DLG2: variants seen among roughly 807,000 people sequenced by gnomAD.
DLG2 encodes the protein discs large MAGUK scaffold protein 2.
DLG2 carries 45 observed loss-of-function variants against 132.5 expected under a neutral mutation model. That is an observed-to-expected ratio of 0.34 (90% CI 0.27 to 0.44). DLG2 has a LOEUF of 0.44. Ranked by LOEUF, DLG2 falls within the 20% of genes least tolerant of loss-of-function variation. The probability of loss-of-function intolerance (pLI) is 1.00; values close to 1 mark genes in which losing one functional copy is unlikely to be tolerated. For synonymous variants in DLG2, 424 were observed against 419.6 expected (o/e 1.01, Z -0.13); for missense variants, 1,045 against 1,196.9 (o/e 0.87, Z 1.87).
chr11:83,828,065 G>A (rs993714192), intron 17 of DLG2, among the ~76,000 whole-genome samples: 19 of 151,986 alleles, frequency 1.3e-4, no homozygotes, highest in African/African-American at 4.4e-4. Context: ...GGGTAGGCCT[G>A]GAAAAAAATC....
At chr11:83,714,812 G>A (rs2153669975) in intron 18 of DLG2, among the ~76,000 whole-genome samples, 1 of 152,310 alleles carries the variant, frequency 6.6e-6, no homozygotes, top group East Asian at 1.9e-4. Context: ...CCACGTTGGT[G>A]GGAGTGTAAA....
At chr11:83,550,576 A>G (rs768937327) in intron 19 of DLG2, among the ~76,000 whole-genome samples, 6 of 152,184 alleles carry the variant, frequency 3.9e-5, no homozygotes, top group Non-Finnish European at 8.8e-5. Flanking sequence ...TCACTGGACC[A>G]CAGTGAATGG....
At chr11:85,074,222 A>G (rs1027103529) in intron 6 of DLG2, among the ~76,000 whole-genome samples, 3 of 151,880 alleles carry the variant, frequency 2.0e-5, no homozygotes, top group Admixed American at 6.6e-5. Flanking sequence ...AAAAGCCTGA[A>G]CATGTACTGC....
intron 6 of DLG2, chr11:85,021,266 C>G: frequency 7.7e-7 from 1 of 1,301,038 alleles, no homozygotes. Context: ...GGAGGAGGTA[C>G]ACGTGCTGGG....
At chr11:84,415,221 C>T (rs2098925112) in intron 7 of DLG2, among the ~76,000 whole-genome samples, 1 of 152,158 alleles carries the variant, frequency 6.6e-6, no homozygotes, top group Admixed American at 6.5e-5. Context: ...GAACAGATGA[C>T]CTTTCTCTAT....
Position 85,201,036 on chromosome 11 carries a change from G to A in DLG2, c.187-46385C>T, listed in dbSNP as rs1435284679. 2.6e-5 allele frequency among the ~76,000 whole-genome samples: 4 copies of A among 152,058 alleles called. No homozygotes were observed. The East Asian group carries it at 7.8e-4, about 30-fold the overall frequency. On this transcript the variant is annotated intron_variant, in intron 4 of 27. Transcript: ENST00000376104. ...GCTCTCCAGCCTCCAGCCCATAGCAGATCCCAGTGTAGCCCAGTCTCAGCT... is the reference window on the plus strand; with the variant it reads ...GCTCTCCAGCCTCCAGCCCATAGCAAATCCCAGTGTAGCCCAGTCTCAGCT...
intron 9 of DLG2, among the ~76,000 whole-genome samples, chr11:84,153,057 C>T (rs1009072043): frequency 6.6e-5 from 10 of 152,198 alleles, no homozygotes; most frequent in Middle Eastern, 3.4e-3. Context: ...AATTCCCTTA[C>T]GCTTGTCTGG....
At chr11:84,093,510 T>C (rs1213844263) in intron 10 of DLG2, among the ~76,000 whole-genome samples, 1 of 152,220 alleles carries the variant, frequency 6.6e-6, no homozygotes, top group East Asian at 1.9e-4. Flanking sequence ...ATTCTCCCTA[T>C]TTTAAGGTAA....
At chr11:84,598,564 T>G (rs2099568805) in intron 6 of DLG2, among the ~76,000 whole-genome samples, 1 of 152,126 alleles carries the variant, frequency 6.6e-6, no homozygotes, top group Non-Finnish European at 1.5e-5. Flanking sequence ...CTAAACTATA[T>G]TGAAAATATC....
intron 4 of DLG2, among the ~76,000 whole-genome samples, chr11:85,240,694 T>C (rs2075832191): frequency 6.6e-6 from 1 of 151,846 alleles, no homozygotes; most frequent in African/African-American, 2.4e-5. Context: ...ACACCACTTT[T>C]ATATATCAAC....
chr11:84,820,942 G>T (rs2077601253), intron 6 of DLG2, among the ~76,000 whole-genome samples: 1 of 151,764 alleles, frequency 6.6e-6, no homozygotes, highest in South Asian at 2.1e-4. Flanking sequence ...TTGTTTCTCA[G>T]CCTTTTGGCT....
intron 7 of DLG2, among the ~76,000 whole-genome samples, chr11:84,423,002 T>C (rs1229521491): frequency 6.6e-6 from 1 of 152,184 alleles, no homozygotes; most frequent in Non-Finnish European, 1.5e-5. Flanking sequence ...GATTTATAAG[T>C]ATTTCTGAAA....
intron 7 of DLG2, among the ~76,000 whole-genome samples, chr11:84,367,976 T>C (rs1035185368): frequency 4.6e-5 from 7 of 152,162 alleles, no homozygotes; most frequent in Admixed American, 2.6e-4. Context: ...TATTTATACT[T>C]ACCCTGTACC....
In DLG2 at chr11:83,750,673, C is replaced by T. The variant is rs1278824466; in HGVS notation, c.1825+36017G>A. Among the ~76,000 whole-genome samples the T allele has an allele frequency of 9.2e-5, 14 of 152,262 alleles. No homozygotes were observed. The East Asian group carries it at 2.5e-3, about 27-fold the overall frequency. On this transcript the variant is annotated intron_variant, in intron 18 of 27. Transcript: ENST00000376104. ...CTTGCCTATGAAAACTGCTGATGTA[C>T]TTCAGTCTTCTCAAGAGAAAACTGA...
At chr11:85,358,438 T>G (rs2083907045) in intron 3 of DLG2, among the ~76,000 whole-genome samples, 1 of 152,208 alleles carries the variant, frequency 6.6e-6, no homozygotes, top group African/African-American at 2.4e-5. Flanking sequence ...AAATCTGGGC[T>G]GCTCATGTAT....
intron 7 of DLG2, among the ~76,000 whole-genome samples, chr11:84,459,679 T>A (rs1018037676): frequency 2.0e-5 from 3 of 150,712 alleles, no homozygotes; most frequent in African/African-American, 7.3e-5. Context: ...CATAGCTATA[T>A]TAGAGTTATT....
At chr11:83,627,347 A>C (rs966981727) in intron 19 of DLG2, among the ~76,000 whole-genome samples, 1 of 151,904 alleles carries the variant, frequency 6.6e-6, no homozygotes, top group African/African-American at 2.4e-5. Context: ...TCCTAATGCT[A>C]TCCCTCCCCT....
intron 21 of DLG2, among the ~76,000 whole-genome samples, chr11:83,504,803 G>A (rs2094608651): frequency 3.3e-5 from 5 of 152,166 alleles, no homozygotes; most frequent in Admixed American, 6.5e-5. Context: ...CCATATATTA[G>A]TTGCTGATTC....
At chr11:84,944,463 CT>C (rs1267360833) in intron 6 of DLG2, among the ~76,000 whole-genome samples, 1 of 152,018 alleles carries the variant, frequency 6.6e-6, no homozygotes, top group African/African-American at 2.4e-5. Context: ...TTCAAACTGC[CT>C]GTCTTCAAGC....
Sources: allele counts gnomAD v4.1 joint callset (sites outside exome capture counted in the v4.1 genomes callset), GRCh38; gene constraint gnomAD v4.1.1; transcripts MANE v1.5; gene names NCBI Gene and HGNC (gene_info 2026-07-23, HGNC 2026-07-21).